BNC2: variants seen among roughly 807,000 people sequenced by gnomAD.
The protein encoded by BNC2 is zinc finger protein basonuclin-2.
BNC2 carries 20 observed loss-of-function variants against 76.3 expected under a neutral mutation model. The ratio of observed to expected loss-of-function variants is 0.26; its 90% CI spans 0.18 to 0.38. The LOEUF (loss-of-function observed/expected upper bound fraction) is 0.38, where lower values mean the gene tolerates loss of function less well. Among genes scored for constraint, BNC2 ranks in the 10% least tolerant of loss-of-function variants. The pLI, the probability that BNC2 is intolerant of heterozygous loss-of-function variation, is 1.00. For missense variants in BNC2, 1,382 were observed against 1,399.8 expected (o/e 0.99, Z 0.20); for synonymous variants, 582 against 514.8 (o/e 1.13, Z -1.77).
intron 5 of BNC2, among the ~76,000 whole-genome samples, chr9:16,500,621 C>T (rs1288683648): frequency 6.6e-6 from 1 of 152,158 alleles, no homozygotes; most frequent in African/African-American, 2.4e-5. Context: ...AACCAATCTT[C>T]TATATGCGCT....
chr9:16,776,665 G>A (rs763248874), intron 1 of BNC2, among the ~76,000 whole-genome samples: 1 of 152,150 alleles, frequency 6.6e-6, no homozygotes, highest in African/African-American at 2.4e-5. Flanking sequence ...ATTCTGTTAT[G>A]TGAAAGAAAG....
intron 1 of BNC2, among the ~76,000 whole-genome samples, chr9:16,839,618 A>G (rs1325514352): frequency 6.6e-6 from 1 of 152,144 alleles, no homozygotes; most frequent in South Asian, 2.1e-4. Flanking sequence ...TCTCGGACCA[A>G]CGATTTCATT....
chr9:16,847,438 T>C (rs888000535), intron 1 of BNC2, among the ~76,000 whole-genome samples: 2 of 109,750 alleles, frequency 1.8e-5, no homozygotes, highest in African/African-American at 7.5e-5. Context: ...CCCTGAAGCT[T>C]TCACTGAGCC....
chr9:16,705,935 C>T (rs944347946), intron 3 of BNC2, among the ~76,000 whole-genome samples: 1 of 152,160 alleles, frequency 6.6e-6, no homozygotes, highest in Non-Finnish European at 1.5e-5. Context: ...TATTACAAAA[C>T]AAACAAGCAA....
intron 2 of BNC2, chr9:16,728,276 G>T: frequency 3.9e-6 from 2 of 506,402 alleles, no homozygotes; most frequent in South Asian, 4.0e-5. Context: ...CTCAGCCACT[G>T]CATGTCATTG....
intron 5 of BNC2, among the ~76,000 whole-genome samples, chr9:16,465,434 CAAAAAA>C (rs34834563): frequency 2.4e-5 from 2 of 84,288 alleles, no homozygotes; most frequent in Admixed American, 3.0e-4. Context: ...ACTCCAACTC[CAAAAAA>C]AAAAAAAAAA....
At chr9:16,512,438 A>C (rs918990931) in intron 5 of BNC2, among the ~76,000 whole-genome samples, 3 of 152,124 alleles carry the variant, frequency 2.0e-5, no homozygotes, top group Admixed American at 2.0e-4. Flanking sequence ...AAATGGGATA[A>C]TGCTGACACA....
intron 5 of BNC2, among the ~76,000 whole-genome samples, chr9:16,488,063 C>T (rs967603622): frequency 6.6e-6 from 1 of 152,180 alleles, no homozygotes; most frequent in Non-Finnish European, 1.5e-5. Context: ...TATCTTTGTA[C>T]TACTAAGCTA....
intron 5 of BNC2, among the ~76,000 whole-genome samples, chr9:16,495,133 G>T (rs1319560095): frequency 6.6e-6 from 1 of 151,984 alleles, no homozygotes; most frequent in African/African-American, 2.4e-5. Flanking sequence ...AGTGGATAGG[G>T]GATTATTACA....
At chr9:16,490,607 T>A (rs1822256962) in intron 5 of BNC2, among the ~76,000 whole-genome samples, 1 of 152,168 alleles carries the variant, frequency 6.6e-6, no homozygotes, top group Non-Finnish European at 1.5e-5. Context: ...TAAGGACACA[T>A]CTGTTTTCCA....
chr9:16,716,887 C>T (rs1185611604), intron 3 of BNC2, among the ~76,000 whole-genome samples: 1 of 152,154 alleles, frequency 6.6e-6, no homozygotes, highest in African/African-American at 2.4e-5. Context: ...ACTTCACAAT[C>T]GGACTTTAAT....
intron 1 of BNC2, among the ~76,000 whole-genome samples, chr9:16,828,583 G>C (rs978772699): frequency 1.3e-5 from 2 of 152,118 alleles, no homozygotes; most frequent in Non-Finnish European, 2.9e-5. Context: ...GTAAAAACAG[G>C]AAAGTTTTCA....
chr9:16,550,242 T>TAAAA (rs1818617203), intron 5 of BNC2, among the ~76,000 whole-genome samples: 1 of 151,648 alleles, frequency 6.6e-6, no homozygotes, highest in African/African-American at 2.4e-5. Flanking sequence ...TAAACTTTCT[T>TAAAA]AAAACATTAT....
intron 1 of BNC2, among the ~76,000 whole-genome samples, chr9:16,862,635 T>G (rs1000955934): frequency 6.6e-6 from 1 of 152,064 alleles, no homozygotes; most frequent in East Asian, 1.9e-4. Flanking sequence ...CTGCAGAGAG[T>G]AGCTACTGCC....
intron 5 of BNC2, among the ~76,000 whole-genome samples, chr9:16,476,973 G>A (rs7874842): frequency 0.26 from 39,702 of 152,052 alleles, 6,267 homozygotes; most frequent in African/African-American, 0.43. Flanking sequence ...GGATCCAGAA[G>A]AGCCTTCAAG....
chr9:16,681,919 G>A lies in BNC2; in HGVS notation c.330+45878C>T, dbSNP rs374214194. On this transcript the variant is annotated intron_variant, in intron 3 of 6. Transcript: ENST00000380672. The stretch of plus-strand genomic sequence containing the variant: ...TTGAACAGATCTTAACCTGAAAGAG[G>A]GGGTTGGGGGACCGGTGCGCTGGTG... 8.5e-5 allele frequency among the ~76,000 whole-genome samples: 13 copies of A among 152,116 alleles called. 1 individual carries two copies. In the East Asian group the frequency reaches 2.3e-3, roughly 27 times the overall value.
At chr9:16,513,552 G>T (rs1041468922) in intron 5 of BNC2, among the ~76,000 whole-genome samples, 2 of 152,040 alleles carry the variant, frequency 1.3e-5, no homozygotes, top group Non-Finnish European at 2.9e-5. Flanking sequence ...TGATCCTCCC[G>T]CCTCGGCCTC....
rs1203262787 is a variant in BNC2 at position 16,412,145 on chromosome 9, A to G, written c.*6844T>C. ...TTACCAAAGTTCTTCAAAGTGGAGA[A>G]TTTACCTTTTACTCATAGGGTGGTC... On this transcript the variant is annotated 3_prime_UTR_variant, in exon 7 of 7. Transcript: ENST00000380672. The G allele has an allele frequency of 6.6e-6, 1 of 152,618 alleles. No individual in the cohort carries two copies. Among genetic ancestry groups the G allele is most frequent in the East Asian group, 1.9e-4 (1 of 5,202 alleles). The allele number at this position is 152,618 out of a possible 1,614,324, so 9.5% of individuals were successfully genotyped here.
chr9:16,510,092 G>C (rs1015269914), intron 5 of BNC2, among the ~76,000 whole-genome samples: 5 of 152,228 alleles, frequency 3.3e-5, no homozygotes, highest in Non-Finnish European at 7.3e-5. Context: ...GCAAGGCTAT[G>C]AGTCATAACA....
Sources: allele counts gnomAD v4.1 joint callset (sites outside exome capture counted in the v4.1 genomes callset), GRCh38; gene constraint gnomAD v4.1.1; transcripts MANE v1.5; gene names NCBI Gene and HGNC (gene_info 2026-07-23, HGNC 2026-07-21).